Variants in OSBPL9 observed in about 807,000 individuals in gnomAD.
OSBPL9 encodes oxysterol binding protein like 9.
Under a neutral mutation model 106.6 loss-of-function variants are expected in OSBPL9, and 40 were observed. The ratio of observed to expected loss-of-function variants is 0.38; its 90% CI spans 0.29 to 0.49. The LOEUF (loss-of-function observed/expected upper bound fraction) is 0.49. Ranked by LOEUF, OSBPL9 falls within the 20% of genes least tolerant of loss-of-function variation. OSBPL9 has a pLI of 0.97. For synonymous variants in OSBPL9, 269 were observed against 295.4 expected, an observed-to-expected ratio of 0.91 and a Z score of 0.92; for missense variants, 609 against 887.2, an observed-to-expected ratio of 0.69 and a Z score of 3.98.
At chr1:51,599,711 A>C (rs1471166500) in intron 2 of OSBPL9, among the ~76,000 whole-genome samples, 1 of 152,204 alleles carries the variant, frequency 6.6e-6, no homozygotes, top group African/African-American at 2.4e-5. Flanking sequence ...TGATATTTGC[A>C]GCATCCACAG....
rs758253937 is a variant in OSBPL9 at position 51,787,722 on chromosome 1, A to G, written c.2144A>G (p.His715Arg). The G allele has an allele frequency of 5.6e-6, 9 of 1,613,036 alleles. No individual in the cohort carries two copies. The Admixed American group carries it at 6.7e-5, about 12-fold the overall frequency. ...KEIQWETRLF[H>R]EDGECWVYDE... ...TTCCTCTTTGTCTTACAGTTATTTCATGAAGATGGAGAATGCTGGGTTTAT... is the reference window on the plus strand; with the variant it reads ...TTCCTCTTTGTCTTACAGTTATTTCGTGAAGATGGAGAATGCTGGGTTTAT... The change falls in exon 24 of 24, where the codon CAT becomes CGT. Residue 715 changes from histidine (H) to arginine (R), a missense_variant. Physicochemically the swap from His to Arg is conservative, Grantham distance 29 (BLOSUM62 0). Around this residue, in one of 5 missense-constraint regions of OSBPL9, gnomAD observed 132 missense variants for 158.1 expected, o/e 0.83. Transcript: ENST00000428468.
intron 3 of OSBPL9, among the ~76,000 whole-genome samples, chr1:51,693,049 T>C (rs577204754): frequency 6.6e-6 from 1 of 152,038 alleles, no homozygotes; most frequent in East Asian, 1.9e-4. Context: ...GACTACCAAT[T>C]AGTTGCTAAG....
At chr1:51,708,162 C>T (rs369483447) in intron 3 of OSBPL9, 41 of 168,308 alleles carry the variant, frequency 2.4e-4, no homozygotes, top group African/African-American at 9.3e-4. Flanking sequence ...CTCAGGGACA[C>T]GGCTGGTGGT....
At chr1:51,726,661 T>C (rs959799234) in intron 4 of OSBPL9, among the ~76,000 whole-genome samples, 5 of 152,208 alleles carry the variant, frequency 3.3e-5, no homozygotes, top group Admixed American at 6.5e-5. Flanking sequence ...GCCTTAGTTA[T>C]ATAGTTGAAA....
chr1:51,594,013 C>T (rs1645288402), intron 1 of OSBPL9, among the ~76,000 whole-genome samples: 1 of 151,674 alleles, frequency 6.6e-6, no homozygotes, highest in Non-Finnish European at 1.5e-5. Context: ...GTAAGCCCTT[C>T]CATAATTCTC....
intron 12 of OSBPL9, among the ~76,000 whole-genome samples, chr1:51,766,526 T>G: frequency 6.6e-6 from 1 of 152,204 alleles, no homozygotes; most frequent in East Asian, 1.9e-4. Context: ...ATACGTGGTA[T>G]GGTATCTTAG....
At chr1:51,775,031 G>A (rs144440954) in intron 14 of OSBPL9, among the ~76,000 whole-genome samples, 179 of 152,078 alleles carry the variant, frequency 1.2e-3, no homozygotes, top group African/African-American at 4.1e-3. Flanking sequence ...TTCTTCTTCA[G>A]CATTTTTACT....
intron 15 of OSBPL9, among the ~76,000 whole-genome samples, chr1:51,780,859 A>G (rs1318279895): frequency 1.3e-5 from 2 of 152,214 alleles, no homozygotes; most frequent in Non-Finnish European, 2.9e-5. Flanking sequence ...TATAGTGTAC[A>G]CTGCTTGGGT....
chr1:51,784,286 T>C lies in OSBPL9; in HGVS notation c.1647T>C (p.Tyr549=). Residue 549 remains tyrosine (Y), a synonymous_variant, in exon 19 of 24, where the codon TAT becomes TAC. Transcript: ENST00000428468. Reference sequence around the variant, plus strand: ...CAGGCTGTGTCTCATGTCTAGACTATGATGAACATTACATTCTCACATTCC... The same window carrying C: ...CAGGCTGTGTCTCATGTCTAGACTACGATGAACATTACATTCTCACATTCC... The part of the protein sequence containing the change: ...IGQGCVSCLD[Y]DEHYILTFPN... The C allele has an allele frequency of 6.2e-7, 1 of 1,614,064 alleles. No homozygotes were observed. The highest frequency in any genetic ancestry group is 1.1e-5 in the South Asian group (1 of 91,088).
intron 3 of OSBPL9, among the ~76,000 whole-genome samples, chr1:51,693,624 G>T (rs935316909): frequency 2.6e-4 from 40 of 152,256 alleles, no homozygotes; most frequent in Admixed American, 2.6e-3. Context: ...CTCAGACTTC[G>T]TGGATATCAA....
intron 1 of OSBPL9, among the ~76,000 whole-genome samples, chr1:51,651,317 G>A (rs2148704953): frequency 6.6e-6 from 1 of 152,008 alleles, no homozygotes; most frequent in Non-Finnish European, 1.5e-5. Flanking sequence ...AATTATCTGG[G>A]GGCAGCTGGG....
intron 2 of OSBPL9, among the ~76,000 whole-genome samples, chr1:51,660,163 G>A (rs1026012644): frequency 2.0e-5 from 3 of 152,004 alleles, no homozygotes; most frequent in African/African-American, 7.3e-5. Context: ...TACCCCATGT[G>A]ATACACAAAA....
At chr1:51,536,980 T>C in the OSBPL9 span, among the ~76,000 whole-genome samples, 4 of 152,234 alleles carry the variant, frequency 2.6e-5, no homozygotes, top group Non-Finnish European at 4.4e-5. Flanking sequence ...TTTGAAACTA[T>C]GTAAATATCC....
chr1:51,667,817 G>GGTA lies in OSBPL9; in HGVS notation c.163-1616_163-1614dup, dbSNP rs1648882818. Among the ~76,000 whole-genome samples the GGTA allele has an allele frequency of 5.9e-5, 9 of 152,282 alleles. No homozygotes were observed. The South Asian group carries it at 1.9e-3, about 32-fold the overall frequency. On this transcript the variant is annotated intron_variant, in intron 2 of 23. Coordinates refer to ENST00000428468, the MANE Select transcript of OSBPL9 (RefSeq NM_024586.6). ...CTAGGTTCCATGCCAATGGTGATCT[G>GGTA]GTACTGGTTCTGCTGTTAAGGCTTT...
intron 3 of OSBPL9, among the ~76,000 whole-genome samples, chr1:51,681,407 T>C (rs552219819): frequency 6.6e-6 from 1 of 152,266 alleles, no homozygotes; most frequent in South Asian, 2.1e-4. Flanking sequence ...AAAATGAACA[T>C]ATAGGCAACG....
chr1:51,763,523 C>T (rs146252936), intron 11 of OSBPL9, among the ~76,000 whole-genome samples: 34 of 152,266 alleles, frequency 2.2e-4, no homozygotes, highest in African/African-American at 7.9e-4. Context: ...GGGAGATCAG[C>T]CCCTTTTGTT....
rs1677931922 is a variant in OSBPL9, at chr1:51,787,392, C to T, written c.2040C>T (p.Asp680=). 1.2e-6 allele frequency: 2 copies of T among 1,613,876 alleles called. No individual in the cohort carries two copies. Among genetic ancestry groups the T allele is most frequent in the South Asian group, 2.2e-5 (2 of 91,076 alleles). The change falls in exon 23 of 24, where the codon GAC becomes GAT. Residue 680 remains aspartate, a synonymous_variant. Transcript: ENST00000428468. ...TCACTTTCAACTTAAAAATCAGAGA[C>T]ATTGATGCAGCAACTGAAGCAAAGC... ...KDVTFNLKIR[D]IDAATEAKHR... is the part of the protein sequence containing the mutation.
chr1:51,540,251 T>C, the OSBPL9 span, among the ~76,000 whole-genome samples: 1 of 152,160 alleles, frequency 6.6e-6, no homozygotes, highest in African/African-American at 2.4e-5. Context: ...CACCATTAAT[T>C]AGAATCATGC....
Position 51,729,811 on chromosome 1 carries a change from G to T in OSBPL9, c.319-15725G>T. 1 of 1,230,682 alleles carries T rather than the reference G, an allele frequency of 8.1e-7. No homozygotes were observed. The highest frequency in any genetic ancestry group is 1.0e-6 in the Non-Finnish European group (1 of 983,784). 76.2% of individuals were successfully genotyped at this position (1,230,682 alleles called of 1,614,324 possible). ...GGGGAGGGGACGGGAAAGGGGTGGG[G>T]GGTGAAGGGGGTGAAGGGGGTGTCC... On this transcript the variant is annotated intron_variant, in intron 4 of 23. Transcript: ENST00000428468. This position sits in a 1 kb window ranked among gnomAD's most constrained non-coding sequence, Gnocchi z 5.1.
Sources: gnomAD v4.1 joint callset for allele counts (sites outside exome capture counted in the v4.1 genomes callset) on GRCh38, gnomAD v4.1.1 for gene constraint, gnomAD v4.1.1 regional missense constraint, Gnocchi (gnomAD v3.1) non-coding constraint, MANE v1.5 for transcripts, NCBI Gene and HGNC (gene_info 2026-07-23, HGNC 2026-07-21) for gene names.